TTN: variants seen among roughly 807,000 people sequenced by gnomAD.
TTN encodes the protein titin.
A neutral mutation model predicts 3,223.0 loss-of-function variants in TTN; 1,525 were observed. The observed-to-expected ratio is 0.47, with a 90% confidence interval of 0.45 to 0.49. The LOEUF is 0.49. Among genes scored for constraint, TTN ranks in the 20% least tolerant of loss-of-function variants. The pLI, the probability that TTN is intolerant of heterozygous loss-of-function variation, is 0.00. For synonymous variants in TTN, 14,094 were observed against 15,161.0 expected, an observed-to-expected ratio of 0.93 and a Z score of 5.17; for missense variants, 40,786 against 43,424.0, an observed-to-expected ratio of 0.94 and a Z score of 5.40.
In TTN at chr2:178,570,315, T is replaced by C; in HGVS notation, c.75817A>G (p.Asn25273Asp). Residue 25273 changes from asparagine (N) to aspartate (D), a missense_variant, in exon 326 of 363, where the codon AAT (asparagine) becomes GAT (aspartate). By Grantham distance (23) the Asn-to-Asp change is conservative. Coordinates refer to ENST00000589042, the MANE Select transcript of TTN (RefSeq NM_001267550.2). ...GCCATTATACGGAAAGTATATTCAT[T>C]GCCTTCAAGAAGCTTAGTAACCTTG... ...SCKVTKLLEG[N>D]EYTFRIMAVN... 1 of 1,613,340 alleles carries C rather than the reference T, an allele frequency of 6.2e-7. No individual in the cohort carries two copies. The highest frequency in any genetic ancestry group is 1.1e-5 in the South Asian group (1 of 91,064).
chr2:178,701,022 T>G (rs2074870216), intron 111 of TTN, 98 bp downstream of exon 111: 3 of 1,035,430 alleles, frequency 2.9e-6, no homozygotes, highest in Non-Finnish European at 1.4e-6. Flanking sequence ...ATTCCACCTC[T>G]TGACCACTAG....
chr2:178,588,756 T>A lies in TTN; in HGVS notation c.62969A>T (p.Asp20990Val), dbSNP rs1466596917. 4 of 1,613,328 alleles carry A rather than the reference T, an allele frequency of 2.5e-6. No homozygotes were observed. In the East Asian group the frequency reaches 8.9e-5, roughly 36 times the overall value. ...GTATCCAGTTATAGACTTTCCACCATCATATTCAGGTGGATTCCAAACCAC... is the reference window on the plus strand; with the variant it reads ...GTATCCAGTTATAGACTTTCCACCAACATATTCAGGTGGATTCCAAACCAC... Reference protein sequence around the residue: ...MTVVWNPPEYDGGKSITGYFL... With the variant: ...MTVVWNPPEYVGGKSITGYFL... The change falls in exon 304 of 363, where the codon GAT (aspartate) becomes GTT (valine). Residue 20990 changes from aspartate to valine, a missense_variant. Coordinates refer to ENST00000589042, the MANE Select transcript of TTN (RefSeq NM_001267550.2).
At chr2:178,677,021 AATAC>A (rs1191314142) in intron 147 of TTN, among the ~76,000 whole-genome samples, 176 bp downstream of exon 147, 7 of 151,696 alleles carry the variant, frequency 4.6e-5, no homozygotes, top group Non-Finnish European at 7.4e-5. Context: ...TTTGTTCTTG[AATAC>A]TGCTTTGTAT....
Position 178,543,490 on chromosome 2 carries a change from C to T in TTN, c.96483G>A (p.Lys32161=), listed in dbSNP as rs1408250610. 4 of 1,613,636 alleles carry T rather than the reference C, an allele frequency of 2.5e-6. No homozygotes were observed. The Admixed American group carries it at 6.7e-5, about 27-fold the overall frequency. The change falls in exon 347 of 363, where the codon AAG becomes AAA. Residue 32161 remains lysine, a synonymous_variant. Coordinates refer to ENST00000589042, the MANE Select transcript of TTN (RefSeq NM_001267550.2). ...AFKTVTTKCS[K]TLYRISGLVE... ...CAAGTCCAGAAATTCTGTAAAGTGTCTTGCTGCATTTGGTAGTTACTGTTT... is the reference window on the plus strand; with the variant it reads ...CAAGTCCAGAAATTCTGTAAAGTGTTTTGCTGCATTTGGTAGTTACTGTTT...
intron 45 of TTN, among the ~76,000 whole-genome samples, chr2:178,757,227 A>ATACTG (rs1553968975): frequency 6.7e-6 from 1 of 150,192 alleles, no homozygotes. Context: ...ACAGTAAGTA[A>ATACTG]TAATCAGCAA....
At position 178,727,728 on chromosome 2, in the gene TTN, C is replaced by T. The variant is rs371847228; in HGVS notation, c.19850G>A (p.Gly6617Asp). The change falls in exon 68 of 363, where the codon GGT becomes GAT. Residue 6617 changes from glycine (G) to aspartate (D), a missense_variant. By Grantham distance (94) the Gly-to-Asp change is moderately conservative. Transcript: ENST00000589042. Reference sequence around the variant, plus strand: ...TTCCAAGCCAATGAAACATTTAGGACCTGAGACAAGTTCCACATCATCCTT... The same window carrying T: ...TTCCAAGCCAATGAAACATTTAGGATCTGAGACAAGTTCCACATCATCCTT... ...WFKDDVELVS[G>D]PKCFIGLEGS... The T allele has an allele frequency of 3.5e-5, 57 of 1,613,206 alleles. No individual in the cohort carries two copies. The African/African-American group carries it at 6.5e-4, about 19-fold the overall frequency.
At chr2:178,746,488 T>A (rs1203651370) in intron 47 of TTN, 1 of 1,613,010 alleles carries the variant, frequency 6.2e-7, no homozygotes, top group South Asian at 1.1e-5. Flanking sequence ...GAGGAGAAGG[T>A]GTTCTTGATG....
chr2:178,615,679 G>A lies in TTN; in HGVS notation c.48422C>T (p.Ala16141Val). The stretch of plus-strand genomic sequence containing the variant: ...CATATTTACAGGTTCATCAACATAT[G>A]CAGGTTCTCCAGGGCCACATTTGTT... ...ARNKCGPGEP[A>V]YVDEPVNMST... The change falls in exon 258 of 363, where the codon GCA (alanine) becomes GTA (valine). Residue 16141 changes from alanine (A) to valine (V), a missense_variant. By Grantham distance (64) the Ala-to-Val change is moderately conservative (BLOSUM62 0). Coordinates refer to ENST00000589042, the MANE Select transcript of TTN (RefSeq NM_001267550.2). 2.5e-6 allele frequency: 4 copies of A among 1,612,462 alleles called. No homozygotes were observed. The highest frequency in any genetic ancestry group is 3.4e-6 in the Non-Finnish European group (4 of 1,178,942).
At chr2:178,615,282 C>T in intron 259 of TTN, 25 bp downstream of exon 259, 2 of 1,611,346 alleles carry the variant, frequency 1.2e-6, no homozygotes, top group Non-Finnish European at 1.7e-6. Context: ...TACACATTTA[C>T]TCTCATGCCA....
chr2:178,780,818 T>C (rs2092697760), intron 21 of TTN, among the ~76,000 whole-genome samples: 1 of 152,222 alleles, frequency 6.6e-6, no homozygotes. Flanking sequence ...TTCATTGAGC[T>C]CACTGTTACC....
chr2:178,551,795 T>G lies in TTN; in HGVS notation c.91105A>C (p.Ile30369Leu), dbSNP rs768987204. ...FHVEKKERNS[I>L]LWQKVNTSPI... is the part of the protein sequence containing the mutation. ...GATGTATTAACTTTTTGCCAGAGGA[T>G]GCTATTTCTTTCTTTCTTTTCAACA... is the stretch of plus-strand genomic sequence containing the variant. The change falls in exon 335 of 363, where the codon ATC becomes CTC. Residue 30369 changes from isoleucine to leucine, a missense_variant. By Grantham distance (5) the Ile-to-Leu change is conservative. Transcript: ENST00000589042. The G allele has an allele frequency of 3.1e-6, 5 of 1,613,858 alleles. No individual in the cohort carries two copies. The Admixed American group carries it at 8.3e-5, about 27-fold the overall frequency.
chr2:178,680,419 T>A, intron 138 of TTN, 88 bp from the exon 139 acceptor site: 4 of 1,054,032 alleles, frequency 3.8e-6, no homozygotes, highest in Non-Finnish European at 5.8e-6. Context: ...GCAGATAGAA[T>A]AATGTATCTT....
intron 334 of TTN, 49 bp downstream of exon 334, chr2:178,553,453 C>T (rs778603961): frequency 6.4e-7 from 1 of 1,573,376 alleles, no homozygotes; most frequent in Non-Finnish European, 8.6e-7. Flanking sequence ...AGAGTGATTT[C>T]CTGGAAGTAT....
Position 178,790,097 on chromosome 2 carries a change from T to C in TTN, c.1819A>G (p.Lys607Glu). Residue 607 changes from lysine to glutamate, a missense_variant, in exon 12 of 363, where the codon AAA (lysine) becomes GAA (glutamate). Coordinates refer to ENST00000589042, the MANE Select transcript of TTN (RefSeq NM_001267550.2). ...ACTATGACTTTAGGTACAACTGTTT[T>C]CCTAGTTTCCTTCATTATCTGATCA... ...SYEKIMKETR[K>E]TVVPKVIVAT... 1 of 1,612,872 alleles carries C rather than the reference T, an allele frequency of 6.2e-7. No individual in the cohort carries two copies. Among genetic ancestry groups the C allele is most frequent in the Non-Finnish European group, 8.5e-7 (1 of 1,179,296 alleles).
In TTN at chr2:178,574,827, T is replaced by A. The variant is rs776889753; in HGVS notation, c.71305A>T (p.Thr23769Ser). ...ISNYVVEMRQ[T>S]DSTTWVELAT... ...AACTCAACCCAGGTAGTACTGTCAG[T>A]CTGCCGCATTTCCACTACATAGTTG... Residue 23769 changes from threonine to serine, a missense_variant, in exon 326 of 363, where the codon ACT becomes TCT. By Grantham distance (58) the Thr-to-Ser change is moderately conservative. Coordinates refer to ENST00000589042, the MANE Select transcript of TTN (RefSeq NM_001267550.2). 29 of 1,612,964 alleles carry A rather than the reference T, an allele frequency of 1.8e-5. No homozygotes were observed. The highest frequency in any genetic ancestry group is 2.4e-5 in the Non-Finnish European group (28 of 1,179,390).
At position 178,631,064 on chromosome 2, in the gene TTN, C is replaced by G. The variant is rs876658059; in HGVS notation, c.43984G>C (p.Asp14662His). The change falls in exon 237 of 363, where the codon GAT becomes CAT. Residue 14662 changes from aspartate (D) to histidine (H), a missense_variant. By Grantham distance (81) the Asp-to-His change is moderately conservative. Transcript: ENST00000589042. The stretch of plus-strand genomic sequence containing the variant: ...ATGTCAAGTTTTCCTGAGGTCTTAT[C>G]TGTCCCACAGTCACAGGTGTACTGT... ...IGQYTCDCGT[D>H]KTSGKLDIED... 1 of 1,613,290 alleles carries G rather than the reference C, an allele frequency of 6.2e-7. No homozygotes were observed. The highest frequency in any genetic ancestry group is 8.5e-7 in the Non-Finnish European group (1 of 1,179,580).
At position 178,590,030 on chromosome 2, in the gene TTN, G is replaced by T; in HGVS notation, c.61695C>A (p.Asn20565Lys). 6.2e-7 allele frequency: 1 copy of T among 1,613,142 alleles called. No homozygotes were observed. The highest frequency in any genetic ancestry group is 1.3e-5 in the African/African-American group (1 of 75,012). Residue 20565 changes from asparagine to lysine, a missense_variant, in exon 304 of 363, where the codon AAC (asparagine) becomes AAA (lysine). Physicochemically the swap from Asn to Lys is moderately conservative, Grantham distance 94. Coordinates refer to ENST00000589042, the MANE Select transcript of TTN (RefSeq NM_001267550.2). Reference protein sequence around the residue: ...SGHAQGSAIVNVLDRPGPCQN... With the variant: ...SGHAQGSAIVKVLDRPGPCQN... Reference sequence around the variant, plus strand: ...GGCAAGGCCCAGGTCTGTCAAGGACGTTAACGATGGCTGAACCTTGGGCAT... The same window carrying T: ...GGCAAGGCCCAGGTCTGTCAAGGACTTTAACGATGGCTGAACCTTGGGCAT...
At chr2:178,690,035 TAAAC>T in intron 121 of TTN, 139 bp from the exon 122 acceptor site, 2 of 671,568 alleles carry the variant, frequency 3.0e-6, no homozygotes, top group Non-Finnish European at 5.2e-6. Context: ...TCCAGAAAAT[TAAAC>T]TAACTATACT....
Position 178,677,892 on chromosome 2 carries a change from T to G in TTN, c.34020A>C (p.Pro11340=). The G allele has an allele frequency of 3.1e-6, 5 of 1,604,842 alleles. No individual in the cohort carries two copies. Among genetic ancestry groups the G allele is most frequent in the Non-Finnish European group, 4.2e-6 (5 of 1,176,620 alleles). Residue 11340 remains proline, a synonymous_variant, in exon 146 of 363, where the codon CCA becomes CCC. Transcript: ENST00000589042. ...PKVPKKREPV[P]VPVALPQEEE... The stretch of plus-strand genomic sequence containing the variant: ...CTTCCTGAGGTAGAGCTACAGGAAC[T>G]GGAACTGGTTCACGTTTCTTTGGCA...
Sources: allele counts gnomAD v4.1 joint callset (sites outside exome capture counted in the v4.1 genomes callset), GRCh38; gene constraint gnomAD v4.1.1; transcripts MANE v1.5; gene names NCBI Gene and HGNC (gene_info 2026-07-23, HGNC 2026-07-21).